HDAC9: variants seen among roughly 807,000 people sequenced by gnomAD.
HDAC9 encodes the protein histone deacetylase 9.
Under a neutral mutation model 139.4 loss-of-function variants are expected in HDAC9, and 41 were observed. The ratio of observed to expected loss-of-function variants is 0.29; its 90% CI spans 0.23 to 0.38. HDAC9 has a LOEUF of 0.38. Ranked by LOEUF, HDAC9 falls within the 10% of genes least tolerant of loss-of-function variation. The pLI is 1.00. For synonymous variants in HDAC9, 517 were observed against 476.2 expected (o/e 1.09, Z -1.12); for missense variants, 1,147 against 1,297.0 (o/e 0.88, Z 1.78).
chr7:18,540,103 CAA>C (rs34620445), intron 2 of HDAC9, among the ~76,000 whole-genome samples: 1,083 of 58,420 alleles, frequency 0.019, 15 homozygotes, highest in African/African-American at 0.062. Flanking sequence ...ACTAAAAATA[CAA>C]AAAAAAAAAA....
rs1284761432 is a variant in HDAC9, at chr7:18,859,847, T to G, written c.2685-14631T>G. On this transcript the variant is annotated intron_variant, in intron 21 of 25. Transcript: ENST00000686413. ...ATATATATATATATATATATATATATATATATATATATGTGAGAGAATGAG... is the reference window on the plus strand; with the variant it reads ...ATATATATATATATATATATATATAGATATATATATATGTGAGAGAATGAG... Among the ~76,000 whole-genome samples, 6 of 127,914 alleles carry G rather than the reference T, an allele frequency of 4.7e-5. No homozygotes were observed. The East Asian group carries it at 1.4e-3, about 29-fold the overall frequency. The allele number at this position is 127,914 out of a possible 152,430, so 83.9% of individuals were successfully genotyped here.
chr7:18,503,451 G>A (rs75122825), intron 2 of HDAC9, among the ~76,000 whole-genome samples: 1,544 of 152,222 alleles, frequency 0.01, 30 homozygotes, highest in African/African-American at 0.036. Flanking sequence ...ATCAGAGAAC[G>A]TTATGTTTAG....
intron 2 of HDAC9, among the ~76,000 whole-genome samples, chr7:18,573,563 C>T (rs1478198663): frequency 6.6e-6 from 1 of 152,220 alleles, no homozygotes; most frequent in Non-Finnish European, 1.5e-5. Flanking sequence ...AGCCCAGAAC[C>T]CACACCTGCC....
intron 1 of HDAC9, among the ~76,000 whole-genome samples, chr7:18,483,368 G>C (rs1310878466): frequency 6.6e-6 from 1 of 152,192 alleles, no homozygotes; most frequent in African/African-American, 2.4e-5. Context: ...GTAAAGATGA[G>C]AGCAAGGTTT....
At chr7:18,252,155 T>G (rs554780096) in intron 2 of HDAC9, among the ~76,000 whole-genome samples, 1 of 152,218 alleles carries the variant, frequency 6.6e-6, no homozygotes, top group African/African-American at 2.4e-5. Context: ...AGTAGAGAAG[T>G]TGGGACAAAA....
At chr7:18,236,542 C>T (rs1019795731) in intron 2 of HDAC9, among the ~76,000 whole-genome samples, 3 of 152,010 alleles carry the variant, frequency 2.0e-5, no homozygotes, top group Non-Finnish European at 2.9e-5. Flanking sequence ...GTTCAGTTTA[C>T]GGAAATTAAG....
intron 2 of HDAC9, among the ~76,000 whole-genome samples, chr7:18,529,162 G>A (rs1170601433): frequency 6.6e-6 from 1 of 151,962 alleles, no homozygotes; most frequent in African/African-American, 2.4e-5. Flanking sequence ...TTAAAAATAG[G>A]AGACAGAAAA....
Position 18,262,264 on chromosome 7 carries a change from A to G in HDAC9, c.25+99915A>G, listed in dbSNP as rs1339685769. Among the ~76,000 whole-genome samples, 3 of 152,238 alleles carry G rather than the reference A, an allele frequency of 2.0e-5. No homozygotes were observed. The East Asian group carries it at 5.8e-4, about 29-fold the overall frequency. On this transcript the variant is annotated intron_variant, in intron 2 of 12. Coordinates refer to the HDAC9 transcript ENST00000417496. ...TGGCAAAAGTGACTTATCTCACTTA[A>G]AAGAGTCTCAATAAGGCTGACAGCT...
intron 2 of HDAC9, among the ~76,000 whole-genome samples, chr7:18,565,780 T>A (rs1214433037): frequency 6.6e-6 from 1 of 152,130 alleles, no homozygotes; most frequent in African/African-American, 2.4e-5. Flanking sequence ...AGTAATGAAA[T>A]CTTTTTATGT....
intron 12 of HDAC9, among the ~76,000 whole-genome samples, chr7:18,676,289 G>C (rs954161519): frequency 7.2e-5 from 11 of 151,932 alleles, no homozygotes; most frequent in African/African-American, 2.7e-4. Context: ...ATGAAATAAA[G>C]AATGCAAAGA....
At chr7:18,457,605 T>G (rs75315574) in intron 1 of HDAC9, among the ~76,000 whole-genome samples, 2 of 152,230 alleles carry the variant, frequency 1.3e-5, no homozygotes, top group African/African-American at 2.4e-5. Context: ...GGTTGATCTC[T>G]GCATATAGGC....
intron 1 of HDAC9, among the ~76,000 whole-genome samples, chr7:18,312,313 T>C (rs1340701463): frequency 6.6e-6 from 1 of 152,310 alleles, no homozygotes; most frequent in East Asian, 1.9e-4. Flanking sequence ...ATCACTGTTG[T>C]CTCTTTCTTG....
intron 14 of HDAC9, among the ~76,000 whole-genome samples, chr7:18,755,962 C>T (rs1250279776): frequency 3.3e-5 from 5 of 152,118 alleles, no homozygotes; most frequent in African/African-American, 1.2e-4. Flanking sequence ...TTGGTCAGTA[C>T]AGTGTCAGTA....
At chr7:18,133,194 G>T (rs1449108905) in intron 1 of HDAC9, among the ~76,000 whole-genome samples, 2 of 152,084 alleles carry the variant, frequency 1.3e-5, no homozygotes, top group African/African-American at 2.4e-5. Context: ...ATGAACTCTG[G>T]CTCAAAATAG....
chr7:18,430,306 C>T (rs1350803335), intron 1 of HDAC9, among the ~76,000 whole-genome samples: 1 of 152,102 alleles, frequency 6.6e-6, no homozygotes, highest in Non-Finnish European at 1.5e-5. Context: ...TCACTACAGC[C>T]TCAAACTCCT....
intron 23 of HDAC9, among the ~76,000 whole-genome samples, chr7:18,953,178 A>G (rs570506536): frequency 2.6e-5 from 4 of 152,188 alleles, no homozygotes; most frequent in South Asian, 4.1e-4. Context: ...CATTCGTGCC[A>G]TATTATAGTT....
rs56690120 is a variant in HDAC9, at chr7:18,207,539, C to CTTTTTTTTTTTTTTTTTTTTTTTTTTTT, written c.25+45208_25+45209insTTTTTTTTTTTTTTTTTTTTTTTTTTTT. On this transcript the variant is annotated intron_variant, in intron 2 of 12. Transcript: ENST00000417496. ...CTCTCACCTCATCTGCCCAAGGAGT[C>CTTTTTTTTTTTTTTTTTTTTTTTTTTTT]TTTTTTTTTTTTTTTTTTGATTTGA... Among the ~76,000 whole-genome samples, 14 of 53,740 alleles carry CTTTTTTTTTTTTTTTTTTTTTTTTTTTT rather than the reference C, an allele frequency of 2.6e-4. 3 individuals are homozygous for CTTTTTTTTTTTTTTTTTTTTTTTTTTTT. The highest frequency in any genetic ancestry group is 3.1e-4 in the Non-Finnish European group (10 of 31,946). The allele number at this position is 53,740 out of a possible 152,430, so 35.3% of individuals were successfully genotyped here. A position where few individuals can be genotyped will look rare whatever the true frequency, so the allele number is the denominator to read the frequency against.
At chr7:18,512,852 G>T (rs1015805201) in intron 2 of HDAC9, among the ~76,000 whole-genome samples, 1 of 152,134 alleles carries the variant, frequency 6.6e-6, no homozygotes, top group South Asian at 2.1e-4. Context: ...TGGCAGTTTT[G>T]TAAAGCAACA....
At chr7:18,779,773 T>A (rs1055255235) in intron 16 of HDAC9, among the ~76,000 whole-genome samples, 1 of 151,984 alleles carries the variant, frequency 6.6e-6, no homozygotes, top group African/African-American at 2.4e-5. Flanking sequence ...TTGAGTAGAT[T>A]CAGGTCTGCA....
Sources: allele counts gnomAD v4.1 joint callset (sites outside exome capture counted in the v4.1 genomes callset), GRCh38; gene constraint gnomAD v4.1.1; transcripts MANE v1.5; gene names NCBI Gene and HGNC (gene_info 2026-07-23, HGNC 2026-07-21).